The following PRKD1 variants were observed in gnomAD, a reference collection of about 807,000 sequenced individuals.
PRKD1 encodes protein kinase D1, also known as serine/threonine-protein kinase D1.
PRKD1 carries 63 observed loss-of-function variants against 95.9 expected under a neutral mutation model. That is an observed-to-expected ratio of 0.66 (90% confidence interval 0.54 to 0.81). The LOEUF is 0.81. Among genes scored for constraint, PRKD1 ranks in the 30% least tolerant of loss-of-function variants. The probability of loss-of-function intolerance (pLI) is 0.00; values close to 1 mark genes in which losing one functional copy is unlikely to be tolerated. For synonymous variants in PRKD1, 425 were observed against 423.1 expected, an observed-to-expected ratio of 1.00 and a Z score of -0.05; for missense variants, 1,048 against 1,165.3, an observed-to-expected ratio of 0.90 and a Z score of 1.47.
chr14:29,917,377 A>C (rs1474952996), intron 1 of PRKD1, among the ~76,000 whole-genome samples: 1 of 152,250 alleles, frequency 6.6e-6, no homozygotes. Flanking sequence ...TTAATAATTA[A>C]TGAAAAGTGC....
At chr14:29,911,017 A>G (rs1894690688) in intron 1 of PRKD1, among the ~76,000 whole-genome samples, 1 of 152,218 alleles carries the variant, frequency 6.6e-6, no homozygotes, top group African/African-American at 2.4e-5. Context: ...GAGAAGTTTA[A>G]GAGAATCAAA....
intron 1 of PRKD1, among the ~76,000 whole-genome samples, chr14:29,827,142 A>G (rs1270366563): frequency 6.6e-6 from 1 of 151,612 alleles, no homozygotes; most frequent in Non-Finnish European, 1.5e-5. Context: ...TGCTCAGGTG[A>G]TGGGTGCACC....
intron 1 of PRKD1, among the ~76,000 whole-genome samples, chr14:29,849,542 G>T (rs1166406290): frequency 1.3e-5 from 2 of 150,388 alleles, no homozygotes; most frequent in African/African-American, 2.5e-5. Flanking sequence ...TTAAAAAACT[G>T]AATCAGTGAA....
chr14:29,775,276 T>C (rs184234736), intron 1 of PRKD1, among the ~76,000 whole-genome samples: 16 of 152,252 alleles, frequency 1.1e-4, no homozygotes, highest in Non-Finnish European at 1.3e-4. Context: ...GTTCGTCTCA[T>C]TGGTGCTTGT....
chr14:29,901,909 T>TTCCAAAGCTCTTTGACTTTGTACC (rs1253085561), intron 1 of PRKD1, among the ~76,000 whole-genome samples: 1 of 152,164 alleles, frequency 6.6e-6, no homozygotes, highest in Non-Finnish European at 1.5e-5. Context: ...CTGCCAAGGA[T>TTCCAAAGCTCTTTGACTTTGTACC]TCCAAAGCTC....
In PRKD1 at chr14:29,821,568, G is replaced by A. The variant is rs182692454; in HGVS notation, c.265-95894C>T. ...TCACTCTCTCCTTACACACTGAATCGCAAAATTAAACAAAGGACTTTATTT... is the reference window on the plus strand; with the variant it reads ...TCACTCTCTCCTTACACACTGAATCACAAAATTAAACAAAGGACTTTATTT... On this transcript the variant is annotated intron_variant, in intron 1 of 17. Transcript: ENST00000331968. 5.3e-4 allele frequency among the ~76,000 whole-genome samples: 81 copies of A among 152,126 alleles called. 1 individual carries two copies. Among genetic ancestry groups the A allele is most frequent in the African/African-American group, 1.8e-3 (73 of 41,512 alleles).
At chr14:29,841,855 A>G (rs1891861735) in intron 1 of PRKD1, among the ~76,000 whole-genome samples, 1 of 152,002 alleles carries the variant, frequency 6.6e-6, no homozygotes, top group African/African-American at 2.4e-5. Context: ...TAACACTTAC[A>G]TGAAACACAA....
chr14:29,788,026 T>C (rs1055431759), intron 1 of PRKD1, among the ~76,000 whole-genome samples: 1 of 152,206 alleles, frequency 6.6e-6, no homozygotes. Context: ...TTGTATACTT[T>C]CATATGTTTT....
At chr14:29,583,058 G>T (rs574467376) in intron 16 of PRKD1, among the ~76,000 whole-genome samples, 1 of 152,126 alleles carries the variant, frequency 6.6e-6, no homozygotes, top group Non-Finnish European at 1.5e-5. Context: ...GAGGAATGCC[G>T]AAACTCCAGT....
chr14:29,897,049 A>G (rs1459075429), intron 1 of PRKD1, among the ~76,000 whole-genome samples: 2 of 152,016 alleles, frequency 1.3e-5, no homozygotes, highest in Non-Finnish European at 2.9e-5. Flanking sequence ...TACTAGCCAG[A>G]TAAAACCACT....
At position 29,599,824 on chromosome 14, in the gene PRKD1, A is replaced by C; in HGVS notation, c.1906-7T>G. The C allele has an allele frequency of 6.3e-7, 1 of 1,599,756 alleles. No individual in the cohort carries two copies. The highest frequency in any genetic ancestry group is 8.5e-7 in the Non-Finnish European group (1 of 1,175,788). ...CACCAGGGTGATGAAGGTTCTATTA[A>C]AGATAAATAAAGCACTTGAAGAAAA... On this transcript the variant is annotated splice_region_variant and splice_polypyrimidine_tract_variant and intron_variant, in intron 13 of 17. Coordinates refer to ENST00000331968, the MANE Select transcript of PRKD1 (RefSeq NM_002742.3).
intron 1 of PRKD1, among the ~76,000 whole-genome samples, chr14:29,870,575 A>G (rs1360221113): frequency 1.3e-5 from 2 of 152,214 alleles, no homozygotes; most frequent in African/African-American, 2.4e-5. Flanking sequence ...CAGAGGAGGG[A>G]AACTGCAACT....
At chr14:29,925,003 C>A (rs529212758) in intron 1 of PRKD1, among the ~76,000 whole-genome samples, 1 of 152,208 alleles carries the variant, frequency 6.6e-6, no homozygotes, top group East Asian at 1.9e-4. Context: ...TTACAGTATT[C>A]TGTATATAAA....
rs45441202 is a variant in PRKD1 at position 29,641,085 on chromosome 14, T to C, written c.697-2181A>G. 1.5e-3 allele frequency among the ~76,000 whole-genome samples: 226 copies of C among 152,306 alleles called. 1 individual carries two copies. In the East Asian group the frequency reaches 0.035, roughly 23 times the overall value. On this transcript the variant is annotated intron_variant, in intron 4 of 17. Transcript: ENST00000331968. ...CAAGATTATGTAAGAAATTTAAAAATATTCCAAGTTTAGGAAAAAGAAATT... is the reference window on the plus strand; with the variant it reads ...CAAGATTATGTAAGAAATTTAAAAACATTCCAAGTTTAGGAAAAAGAAATT...
chr14:29,599,450 T>C (rs142800704), intron 14 of PRKD1, among the ~76,000 whole-genome samples: 1 of 152,320 alleles, frequency 6.6e-6, no homozygotes, highest in African/African-American at 2.4e-5. Context: ...TACATGGACC[T>C]GCAAACATGT....
chr14:29,762,617 G>C (rs1468482671), intron 1 of PRKD1, among the ~76,000 whole-genome samples: 2 of 152,134 alleles, frequency 1.3e-5, no homozygotes, highest in African/African-American at 2.4e-5. Context: ...TGAATTTCAT[G>C]GTCATATTTA....
intron 1 of PRKD1, among the ~76,000 whole-genome samples, chr14:29,923,810 GAAAAAAAAAAA>G (rs768450153): frequency 1.0e-5 from 1 of 99,992 alleles, no homozygotes; most frequent in Admixed American, 1.1e-4. Context: ...CTCATTTGAG[GAAAAAAAAAAA>G]AAAAAAAAAA....
chr14:29,858,203 CT>C (rs566157060), intron 1 of PRKD1, among the ~76,000 whole-genome samples: 107 of 152,276 alleles, frequency 7.0e-4, no homozygotes, highest in African/African-American at 2.4e-3. Context: ...AGACTCACCC[CT>C]GATCTCAGTT....
At chr14:29,896,985 T>C (rs537131189) in intron 1 of PRKD1, among the ~76,000 whole-genome samples, 183 of 151,894 alleles carry the variant, frequency 1.2e-3, no homozygotes, top group Non-Finnish European at 2.0e-3. Context: ...TATCTAATAA[T>C]AAAAAATTTA....
Sources: allele counts gnomAD v4.1 joint callset (sites outside exome capture counted in the v4.1 genomes callset), GRCh38; gene constraint gnomAD v4.1.1; transcripts MANE v1.5; gene names NCBI Gene and HGNC (gene_info 2026-07-23, HGNC 2026-07-21).